PCDHGA1: variants seen among roughly 807,000 people sequenced by gnomAD.
PCDHGA1 encodes the protein protocadherin gamma subfamily A, 1, also known as protocadherin gamma-A1.
Under a neutral mutation model 58.0 loss-of-function variants are expected in PCDHGA1, and 32 were observed. The observed-to-expected ratio is 0.55, with a 90% confidence interval of 0.42 to 0.74. The LOEUF (loss-of-function observed/expected upper bound fraction) is 0.74, where lower values mean the gene tolerates loss of function less well. PCDHGA1 is among the 30% of genes least tolerant of loss of function. PCDHGA1 has a pLI of 0.00. For missense variants in PCDHGA1, 1,205 were observed against 1,182.3 expected, an observed-to-expected ratio of 1.02 and a Z score of -0.28; for synonymous variants, 498 against 501.1, an observed-to-expected ratio of 0.99 and a Z score of 0.08.
At position 141,332,826 on chromosome 5, in the gene PCDHGA1, C is replaced by T. The variant is rs747796736; in HGVS notation, c.2142C>T (p.His714=). The change falls in exon 1 of 4, where the codon CAC becomes CAT. Residue 714 remains histidine, a synonymous_variant. Coordinates refer to ENST00000517417, the MANE Select transcript of PCDHGA1 (RefSeq NM_018912.3). This position sits in a 1 kb window ranked among gnomAD's most constrained non-coding sequence, Gnocchi z 4.6. The part of the protein sequence containing the change: ...FLAFVIVLLA[H]RLRRWHKSRL... Reference sequence around the variant, plus strand: ...CCTTCGTCATCGTGCTGCTGGCGCACAGGCTGCGGCGCTGGCACAAGTCAC... The same window carrying T: ...CCTTCGTCATCGTGCTGCTGGCGCATAGGCTGCGGCGCTGGCACAAGTCAC... The T allele has an allele frequency of 1.2e-6, 2 of 1,614,232 alleles. No homozygotes were observed. The highest frequency in any genetic ancestry group is 1.1e-5 in the South Asian group (1 of 91,090).
At chr5:141,389,160 G>C in intron 1 of PCDHGA1, 4 of 1,613,996 alleles carry the variant, frequency 2.5e-6, no homozygotes, top group Non-Finnish European at 3.4e-6. Flanking sequence ...AACAGATCGG[G>C]GCAAGCCTCC....
intron 1 of PCDHGA1, chr5:141,416,864 G>C (rs2096066198): frequency 6.6e-6 from 1 of 151,862 alleles, no homozygotes; most frequent in Admixed American, 6.6e-5. Flanking sequence ...TTTCAGGTCA[G>C]TCAACATTTG....
rs1030573273 is a variant in PCDHGA1, at chr5:141,373,834, G to T, written c.2421+40729G>T. On this transcript the variant is annotated intron_variant, in intron 1 of 3. Coordinates refer to ENST00000517417, the MANE Select transcript of PCDHGA1 (RefSeq NM_018912.3). Reference sequence around the variant, plus strand: ...GTTTCACAAAACGATGCAGTATTAAGTTAGGACTCTAAGCGTCGCTGTTGA... The same window carrying T: ...GTTTCACAAAACGATGCAGTATTAATTTAGGACTCTAAGCGTCGCTGTTGA... The T allele has an allele frequency of 1.2e-5, 5 of 424,566 alleles. No individual in the cohort carries two copies. In the East Asian group the frequency reaches 1.8e-4, roughly 15 times the overall value. The allele number at this position is 424,566 out of a possible 1,614,324, so 26.3% of individuals were successfully genotyped here. A position where few individuals can be genotyped will look rare whatever the true frequency, so the allele number is the denominator to read the frequency against.
At chr5:141,501,716 A>G (rs2099810687) in intron 2 of PCDHGA1, among the ~76,000 whole-genome samples, 1 of 152,160 alleles carries the variant, frequency 6.6e-6, no homozygotes, top group African/African-American at 2.4e-5. Flanking sequence ...TAAAAAAGAC[A>G]AATATATTAC....
At chr5:141,335,288 C>T (rs80104830) in intron 1 of PCDHGA1, among the ~76,000 whole-genome samples, 1 of 152,038 alleles carries the variant, frequency 6.6e-6, no homozygotes, top group Non-Finnish European at 1.5e-5. Flanking sequence ...TTTTAAAATC[C>T]ATATTCTAAT....
chr5:141,383,412 G>C (rs1417112594), intron 1 of PCDHGA1: 3 of 1,613,874 alleles, frequency 1.9e-6, no homozygotes, highest in East Asian at 2.2e-5. Context: ...AGAGTTACCA[G>C]CTCAGCCCCA....
intron 1 of PCDHGA1, chr5:141,413,929 C>T (rs2095693828): frequency 6.2e-7 from 1 of 1,613,342 alleles, no homozygotes; most frequent in South Asian, 1.1e-5. Context: ...GCCAGAATAC[C>T]GAGTGAGTGT....
At chr5:141,509,354 A>G (rs1229726913) in intron 3 of PCDHGA1, among the ~76,000 whole-genome samples, 2 of 152,144 alleles carry the variant, frequency 1.3e-5, no homozygotes, top group Non-Finnish European at 2.9e-5. Context: ...TGGCCTGGGC[A>G]TCCCTGAGGT....
At chr5:141,374,716 C>A (rs752741869) in intron 1 of PCDHGA1, 3 of 1,609,798 alleles carry the variant, frequency 1.9e-6, no homozygotes, top group African/African-American at 1.3e-5. Context: ...ACCGCCTGGT[C>A]CTTACTGCCA....
At chr5:141,363,856 A>G (rs1763082637) in intron 1 of PCDHGA1, among the ~76,000 whole-genome samples, 2 of 152,230 alleles carry the variant, frequency 1.3e-5, no homozygotes, top group Admixed American at 6.5e-5. Context: ...TGGACTAAAT[A>G]TAGATAAGAG....
At chr5:141,480,240 CAA>C (rs11374694) in intron 1 of PCDHGA1, among the ~76,000 whole-genome samples, 8 of 114,006 alleles carry the variant, frequency 7.0e-5, no homozygotes, top group Non-Finnish European at 7.5e-5. Flanking sequence ...CCTGTCTCTA[CAA>C]AAAAAAAAAA....
At chr5:141,393,335 C>T (rs764386599) in intron 1 of PCDHGA1, 1 of 1,613,458 alleles carries the variant, frequency 6.2e-7, no homozygotes, top group South Asian at 1.1e-5. Flanking sequence ...AGCTCAGCCC[C>T]AATCACCACT....
chr5:141,423,300 G>T, intron 1 of PCDHGA1: 2 of 1,614,146 alleles, frequency 1.2e-6, no homozygotes, highest in African/African-American at 1.3e-5. Context: ...CAGACCTCTC[G>T]CTGTACTTGG....
At chr5:141,372,197 C>A in intron 1 of PCDHGA1, 1 of 1,613,590 alleles carries the variant, frequency 6.2e-7, no homozygotes, top group Non-Finnish European at 8.5e-7. Context: ...CGGGATACAA[C>A]GCCTGGCTGT....
chr5:141,459,557 A>G (rs1052669136), intron 1 of PCDHGA1, among the ~76,000 whole-genome samples: 1 of 152,224 alleles, frequency 6.6e-6, no homozygotes, highest in East Asian at 1.9e-4. Context: ...TCTTGGATAA[A>G]TACCCCAAAA....
intron 1 of PCDHGA1, chr5:141,384,968 C>T (rs1345751127): frequency 1.2e-6 from 2 of 1,613,962 alleles, no homozygotes; most frequent in East Asian, 2.2e-5. Context: ...TATGACCTCA[C>T]GTTGTACCTG....
intron 1 of PCDHGA1, among the ~76,000 whole-genome samples, chr5:141,447,898 C>T (rs531933709): frequency 3.1e-3 from 465 of 152,088 alleles, no homozygotes; most frequent in Non-Finnish European, 5.5e-3. Context: ...CCAGCCTGGC[C>T]AACATGGTGA....
rs1761614217 is a variant in PCDHGA1 at position 141,360,492 on chromosome 5, A to G, written c.2421+27387A>G. On this transcript the variant is annotated intron_variant, in intron 1 of 3. Transcript: ENST00000517417. ...AAAATCCACTAAATATTTTCTACAT[A>G]GCAGTAATTGTGCAGGATATAAATG... 2.5e-6 allele frequency: 4 copies of G among 1,613,894 alleles called. No homozygotes were observed. In the Admixed American group the frequency reaches 6.7e-5, roughly 27 times the overall value.
At chr5:141,461,740 G>T (rs770518286) in intron 1 of PCDHGA1, among the ~76,000 whole-genome samples, 1 of 152,072 alleles carries the variant, frequency 6.6e-6, no homozygotes, top group African/African-American at 2.4e-5. Context: ...GCACAATCCC[G>T]GCTCCCAGAT....
Sources: allele counts gnomAD v4.1 joint callset (sites outside exome capture counted in the v4.1 genomes callset), GRCh38; gene constraint gnomAD v4.1.1; non-coding constraint Gnocchi (gnomAD v3.1); transcripts MANE v1.5; gene names NCBI Gene and HGNC (gene_info 2026-07-23, HGNC 2026-07-21).